SYCE2: variants seen among roughly 807,000 people sequenced by gnomAD.
SYCE2 encodes the protein central element synaptonemal complex 1.
SYCE2 carries 3 observed loss-of-function variants against 27.9 expected under a neutral mutation model. The ratio of observed to expected loss-of-function variants is 0.11; its 90% CI spans 0.05 to 0.28. SYCE2 has a LOEUF of 0.28. Among genes scored for constraint, SYCE2 ranks in the 10% least tolerant of loss-of-function variants. The probability of loss-of-function intolerance (pLI) is 1.00; values close to 1 mark genes in which losing one functional copy is unlikely to be tolerated. For missense variants in SYCE2, 207 were observed against 263.5 expected (o/e 0.79, Z 1.48); for synonymous variants, 85 against 100.7 (o/e 0.84, Z 0.93).
In SYCE2 at chr19:12,901,183, A is replaced by C. The variant is rs1047247964; in HGVS notation, c.307-535T>G. Among the ~76,000 whole-genome samples, 3 of 147,588 alleles carry C rather than the reference A, an allele frequency of 2.0e-5. No homozygotes were observed. The South Asian group carries it at 6.3e-4, about 31-fold the overall frequency. On this transcript the variant is annotated intron_variant, in intron 3 of 5. Coordinates refer to ENST00000293695, the MANE Select transcript of SYCE2 (RefSeq NM_001105578.2). ...GACTCCATCTCAAAATAAATAAATA[A>C]ATAAATAAATAAATAAATAAATAAA...
At chr19:12,906,634 C>T (rs538312122) in intron 2 of SYCE2, among the ~76,000 whole-genome samples, 3 of 152,134 alleles carry the variant, frequency 2.0e-5, no homozygotes, top group South Asian at 4.1e-4. Flanking sequence ...TGGGGCCGGG[C>T]GCGGTGGCTC....
chr19:12,899,829 G>T lies in SYCE2; in HGVS notation c.612+175C>A, dbSNP rs9384. 561,998 of 1,572,914 alleles carry T rather than the reference G, an allele frequency of 0.36. 103,708 individuals carry two copies. Among genetic ancestry groups the T allele is most frequent in the Admixed American group, 0.43 (25,691 of 59,458 alleles). On this transcript the variant is annotated intron_variant, in intron 5 of 5. Transcript: ENST00000293695. ...GCTTCTCTTGAGAGGAGAGTGACATGGAAGCAACTCCGTCTGCTGCAGCTG... is the reference window on the plus strand; with the variant it reads ...GCTTCTCTTGAGAGGAGAGTGACATTGAAGCAACTCCGTCTGCTGCAGCTG...
chr19:12,910,929 G>A (rs1008204518), intron 2 of SYCE2, among the ~76,000 whole-genome samples: 3 of 151,972 alleles, frequency 2.0e-5, no homozygotes, highest in African/African-American at 4.8e-5. Context: ...CGCCCGTCTC[G>A]GCCTCCCAAA....
intron 1 of SYCE2, 56 bp from the exon 2 acceptor site, chr19:12,918,393 G>A (rs1971177723): frequency 6.6e-7 from 1 of 1,508,370 alleles, no homozygotes; most frequent in South Asian, 1.1e-5. Flanking sequence ...TGAACAGATC[G>A]CCCTCCTGCC....
At chr19:12,913,387 C>T (rs1008383989) in intron 2 of SYCE2, among the ~76,000 whole-genome samples, 18 of 152,172 alleles carry the variant, frequency 1.2e-4, no homozygotes, top group African/African-American at 4.3e-4. Context: ...CCTCCGTGGC[C>T]TCTAACAGAT....
At chr19:12,918,411 C>T in intron 1 of SYCE2, 74 bp from the exon 2 acceptor site, 2 of 1,375,236 alleles carry the variant, frequency 1.5e-6, no homozygotes, top group Non-Finnish European at 2.1e-6. Context: ...GCCGACCCTT[C>T]AACCCTGGTC....
At chr19:12,913,637 A>C (rs563361432) in intron 2 of SYCE2, among the ~76,000 whole-genome samples, 2 of 152,264 alleles carry the variant, frequency 1.3e-5, no homozygotes, top group African/African-American at 4.8e-5. Flanking sequence ...CATGTTGCTG[A>C]GTATCTGCTG....
Position 12,900,631 on chromosome 19 carries a change from C to T in SYCE2, c.324G>A (p.Glu108=), listed in dbSNP as rs372073522. 5.2e-5 allele frequency: 84 copies of T among 1,613,398 alleles called. No homozygotes were observed. The highest frequency in any genetic ancestry group is 6.8e-5 in the Non-Finnish European group (80 of 1,179,794). The change falls in exon 4 of 6, where the codon GAG becomes GAA. Residue 108 remains glutamate, a synonymous_variant. Transcript: ENST00000293695. ...SLKTKVSDLT[E]KLEERIYQIY... ...TCTGATAGATCCTCTCCTCTAATTT[C>T]TCTGTCAGATCCGAAACCTGTTAAA... is the stretch of plus-strand genomic sequence containing the variant.
chr19:12,911,482 C>G (rs1019262612), intron 2 of SYCE2, among the ~76,000 whole-genome samples: 7 of 151,966 alleles, frequency 4.6e-5, no homozygotes, highest in Admixed American at 4.6e-4. Flanking sequence ...CTCTGTCGCC[C>G]AGGCTGGAGT....
At chr19:12,912,216 G>A (rs1235767502) in intron 2 of SYCE2, among the ~76,000 whole-genome samples, 3 of 151,802 alleles carry the variant, frequency 2.0e-5, no homozygotes, top group Non-Finnish European at 4.4e-5. Context: ...GATTACAGGC[G>A]TGAGCCACCA....
At chr19:12,911,634 T>TTTC (rs386388582) in intron 2 of SYCE2, among the ~76,000 whole-genome samples, 3 of 149,754 alleles carry the variant, frequency 2.0e-5, no homozygotes, top group Non-Finnish European at 4.5e-5. Flanking sequence ...TTTTTTTTTT[T>TTTC]TTAGACGAGG....
rs1970804788 is a variant in SYCE2, at chr19:12,900,096, G to T, written c.520C>A (p.Pro174Thr). ...GGGGACTTTCCCCTAGAGTGGTCTG[G>T]CCCCCATCTGAGTCTTAGGCTCTGC... ...PEQSLRLRWG[P>T]DHSRGKSPPR... The change falls in exon 5 of 6, where the codon CCA becomes ACA. Residue 174 changes from proline (P) to threonine (T), a missense_variant. Pro to Thr is a conservative substitution (Grantham distance 38, BLOSUM62 -1). Coordinates refer to ENST00000293695, the MANE Select transcript of SYCE2 (RefSeq NM_001105578.2). 1.2e-6 allele frequency: 2 copies of T among 1,612,678 alleles called. No homozygotes were observed. The highest frequency in any genetic ancestry group is 2.7e-5 in the African/African-American group (2 of 74,830).
chr19:12,900,830 G>A (rs995286150), intron 3 of SYCE2, among the ~76,000 whole-genome samples, 182 bp from the exon 4 acceptor site: 1 of 152,084 alleles, frequency 6.6e-6, no homozygotes, highest in Non-Finnish European at 1.5e-5. Flanking sequence ...GATTACTTGA[G>A]GCCAGGAGTT....
intron 2 of SYCE2, among the ~76,000 whole-genome samples, chr19:12,905,243 G>A (rs750782867): frequency 3.8e-4 from 58 of 152,156 alleles, no homozygotes; most frequent in Non-Finnish European, 7.3e-4. Context: ...CCAGACCAAG[G>A]AGGTCTGTCT....
intron 2 of SYCE2, among the ~76,000 whole-genome samples, chr19:12,911,284 C>G (rs1010855176): frequency 1.3e-5 from 2 of 152,096 alleles, no homozygotes; most frequent in African/African-American, 2.4e-5. Context: ...TAGTGACATT[C>G]TACACTGTAA....
intron 2 of SYCE2, among the ~76,000 whole-genome samples, chr19:12,911,778 CA>C (rs1971050834): frequency 6.6e-6 from 1 of 151,970 alleles, no homozygotes; most frequent in Non-Finnish European, 1.5e-5. Context: ...CCATCATGCC[CA>C]GCTAATTTTT....
rs1599633055 is a variant in SYCE2 at position 12,906,132 on chromosome 19, A to C, written c.132-1466T>G. ...CGGCCTCCAAAAGTGCTGGGATTAC[A>C]GGCGTGAGCCACTGCGCCCAGCCTG... is the stretch of plus-strand genomic sequence containing the variant. On this transcript the variant is annotated intron_variant, in intron 2 of 5. Coordinates refer to ENST00000293695, the MANE Select transcript of SYCE2 (RefSeq NM_001105578.2). 2.6e-5 allele frequency: 4 copies of C among 152,378 alleles called. No individual in the cohort carries two copies. The Middle Eastern group carries it at 0.014, about 518-fold the overall frequency. 9.4% of individuals were successfully genotyped at this position (152,378 alleles called of 1,614,324 possible).
intron 2 of SYCE2, among the ~76,000 whole-genome samples, chr19:12,916,357 T>C (rs1344500735): frequency 6.6e-6 from 1 of 152,100 alleles, no homozygotes; most frequent in Non-Finnish European, 1.5e-5. Flanking sequence ...GTTGAGCCAC[T>C]GCGCCCGGCC....
intron 2 of SYCE2, among the ~76,000 whole-genome samples, chr19:12,908,560 A>AAG (rs1970984715): frequency 6.6e-6 from 1 of 151,826 alleles, no homozygotes; most frequent in Non-Finnish European, 1.5e-5. Context: ...TCGTGACCTC[A>AAG]TGATCTGCCC....
Sources: allele counts gnomAD v4.1 joint callset (sites outside exome capture counted in the v4.1 genomes callset), GRCh38; gene constraint gnomAD v4.1.1; transcripts MANE v1.5; gene names NCBI Gene and HGNC (gene_info 2026-07-23, HGNC 2026-07-21).